The following GTF2H5 variants were observed in gnomAD, a reference collection of about 807,000 sequenced individuals.
The protein encoded by GTF2H5 is general transcription factor IIH subunit 5, also known as TFB5 ortholog.
Under a neutral mutation model 7.1 loss-of-function variants are expected in GTF2H5, and 5 were observed. The ratio of observed to expected loss-of-function variants is 0.71; its 90% CI spans 0.37 to 1.49. The LOEUF is 1.49. GTF2H5 is among the 40% of genes most tolerant of loss of function. The probability of loss-of-function intolerance (pLI) is 0.03; values close to 1 mark genes in which losing one functional copy is unlikely to be tolerated. For synonymous variants in GTF2H5, 30 were observed against 31.7 expected (o/e 0.95, Z 0.18); for missense variants, 80 against 83.0 (o/e 0.96, Z 0.14).
At chr6:158,169,623 ATATATTG>A (rs1277722557) in intron 1 of GTF2H5, among the ~76,000 whole-genome samples, 1 of 83,802 alleles carries the variant, frequency 1.2e-5, no homozygotes, top group Admixed American at 2.1e-4. Flanking sequence ...ATTACATATA[ATATATTG>A]TATATTACAT....
At chr6:158,174,434 A>G (rs1201952359) in intron 2 of GTF2H5, among the ~76,000 whole-genome samples, 1 of 152,248 alleles carries the variant, frequency 6.6e-6, no homozygotes, top group Non-Finnish European at 1.5e-5. Flanking sequence ...TTGAAAAATC[A>G]GGGCACTTGG....
chr6:158,181,310 A>T (rs915134735), intron 2 of GTF2H5, among the ~76,000 whole-genome samples: 6 of 152,194 alleles, frequency 3.9e-5, no homozygotes, highest in African/African-American at 1.4e-4. Flanking sequence ...CAATTTTAGA[A>T]TAAGTGTGAT....
Position 158,192,221 on chromosome 6 carries a change from A to G in GTF2H5, c.*64A>G, listed in dbSNP as rs1777040538. 1 of 1,244,132 alleles carries G rather than the reference A, an allele frequency of 8.0e-7. No individual in the cohort carries two copies. The highest frequency in any genetic ancestry group is 1.5e-5 in the African/African-American group (1 of 67,702). 77.1% of individuals were successfully genotyped at this position (1,244,132 alleles called of 1,614,324 possible). A position where few individuals can be genotyped will look rare whatever the true frequency, so the allele number is the denominator to read the frequency against. The stretch of plus-strand genomic sequence containing the variant: ...AACTGTGAAAGACTTGCCACTCAAT[A>G]TCTTAGGTGACTGATTAGACATAGA... On this transcript the variant is annotated 3_prime_UTR_variant, in exon 3 of 3. Transcript: ENST00000607778.
chr6:158,190,874 T>G (rs778250894), intron 2 of GTF2H5: 2 of 375,038 alleles, frequency 5.3e-6, no homozygotes, highest in Non-Finnish European at 1.0e-5. Context: ...ATCTAAAGAG[T>G]GTCCTTTGTC....
rs143621758 is a variant in GTF2H5, at chr6:158,174,784, A to G, written c.35+4246A>G. ...GCAAATTCCAACCAGTTTACATCAC[A>G]ATAGCAAAGAATCTGGAGAAATATG... is the stretch of plus-strand genomic sequence containing the variant. On this transcript the variant is annotated intron_variant, in intron 2 of 2. Coordinates refer to ENST00000607778, the MANE Select transcript of GTF2H5 (RefSeq NM_207118.3). Among the ~76,000 whole-genome samples, 375 of 152,326 alleles carry G rather than the reference A, an allele frequency of 2.5e-3. 1 individual carries two copies. Among genetic ancestry groups the G allele is most frequent in the African/African-American group, 8.6e-3 (359 of 41,570 alleles).
intron 2 of GTF2H5, among the ~76,000 whole-genome samples, chr6:158,185,215 T>C (rs1776897542): frequency 6.6e-6 from 1 of 151,898 alleles, no homozygotes; most frequent in South Asian, 2.1e-4. Context: ...TTCAGGTACA[T>C]GCTTGAAAAT....
chr6:158,173,032 C>T (rs1785878693), intron 2 of GTF2H5, among the ~76,000 whole-genome samples: 1 of 152,170 alleles, frequency 6.6e-6, no homozygotes, highest in Non-Finnish European at 1.5e-5. Context: ...ATAGCATCAT[C>T]TGGAGCTTGT....
Position 158,194,040 on chromosome 6 carries a change from A to C in GTF2H5, c.*1883A>C, listed in dbSNP as rs1777069799. ...TTCCAGCTATACCAAAATGTTACTA[A>C]TGTATCTTATATTTCAGGCATGTCT... On this transcript the variant is annotated 3_prime_UTR_variant, in exon 3 of 3. Transcript: ENST00000607778. 6.6e-6 allele frequency: 1 copy of C among 151,962 alleles called. No individual in the cohort carries two copies. The allele number at this position is 151,962 out of a possible 1,614,324, so 9.4% of individuals were successfully genotyped here.
At chr6:158,179,123 G>A (rs1169895071) in intron 2 of GTF2H5, among the ~76,000 whole-genome samples, 1 of 152,130 alleles carries the variant, frequency 6.6e-6, no homozygotes, top group Non-Finnish European at 1.5e-5. Context: ...CATTGCTTGT[G>A]TGTGTCAGGT....
chr6:158,169,495 T>TTATATAATATATTGTATATTA (rs1785747026), intron 1 of GTF2H5, among the ~76,000 whole-genome samples: 1 of 54,412 alleles, frequency 1.8e-5, no homozygotes. Context: ...ATATTGTATA[T>TTATATAATATATTGTATATTA]TATATAATAT....
chr6:158,173,515 G>A (rs1321570501), intron 2 of GTF2H5, among the ~76,000 whole-genome samples: 2 of 152,150 alleles, frequency 1.3e-5, no homozygotes, highest in Non-Finnish European at 2.9e-5. Flanking sequence ...ATGATTATCA[G>A]TATAAGTCTG....
intron 1 of GTF2H5, among the ~76,000 whole-genome samples, chr6:158,169,700 A>ATG (rs1195386589): frequency 1.2e-5 from 1 of 81,934 alleles, no homozygotes; most frequent in Non-Finnish European, 2.1e-5. Context: ...ATATTATATA[A>ATG]TATATTGTAT....
At chr6:158,182,808 C>T (rs566153400) in intron 2 of GTF2H5, among the ~76,000 whole-genome samples, 64 of 152,080 alleles carry the variant, frequency 4.2e-4, no homozygotes, top group African/African-American at 1.4e-3. Flanking sequence ...AGCTTCCTTG[C>T]GATGGGTAGA....
intron 2 of GTF2H5, among the ~76,000 whole-genome samples, chr6:158,185,143 G>A (rs1776891435): frequency 6.8e-6 from 1 of 147,108 alleles, no homozygotes; most frequent in Non-Finnish European, 1.5e-5. Flanking sequence ...TAAACTTTGA[G>A]TGTCTTTTTT....
At chr6:158,191,832 C>T (rs1280536437) in intron 2 of GTF2H5, 145 bp from the exon 3 acceptor site, 3 of 697,602 alleles carry the variant, frequency 4.3e-6, no homozygotes, top group Non-Finnish European at 7.6e-6. Context: ...ATTGTTAACA[C>T]TTGAGGCAGA....
intron 2 of GTF2H5, among the ~76,000 whole-genome samples, chr6:158,177,570 G>C (rs1785950224): frequency 6.6e-6 from 1 of 152,182 alleles, no homozygotes; most frequent in South Asian, 2.1e-4. Flanking sequence ...GTCAGCATCT[G>C]TGGTTGCAGT....
rs1562469388 is a variant in GTF2H5 at position 158,169,740 on chromosome 6, A to ATATATTATATAATATATTG, written c.-34-718_-34-700dup. On this transcript the variant is annotated intron_variant, in intron 1 of 2. Transcript: ENST00000607778. ...TATATTATATAATATATTGTATATT[A>ATATATTATATAATATATTG]TATATTATATAATATATTGTATATT... Among the ~76,000 whole-genome samples, 13 of 40,490 alleles carry ATATATTATATAATATATTG rather than the reference A, an allele frequency of 3.2e-4. 2 individuals carry two copies. Among genetic ancestry groups the ATATATTATATAATATATTG allele is most frequent in the African/African-American group, 4.7e-4 (3 of 6,330 alleles). The allele number at this position is 40,490 out of a possible 152,430, so 26.6% of individuals were successfully genotyped here. A position where few individuals can be genotyped will look rare whatever the true frequency, so the allele number is the denominator to read the frequency against.
intron 2 of GTF2H5, among the ~76,000 whole-genome samples, chr6:158,189,948 C>A (rs1323563439): frequency 1.3e-5 from 2 of 152,196 alleles, no homozygotes; most frequent in Admixed American, 1.3e-4. Context: ...TCCTGAGTAG[C>A]CTTTGTTCAC....
chr6:158,170,168 A>C (rs1192895291), intron 1 of GTF2H5, among the ~76,000 whole-genome samples: 1 of 152,064 alleles, frequency 6.6e-6, no homozygotes, highest in Non-Finnish European at 1.5e-5. Context: ...CCTTTGAATA[A>C]TGGACGGTTT....
Sources: allele counts gnomAD v4.1 joint callset (sites outside exome capture counted in the v4.1 genomes callset), GRCh38; gene constraint gnomAD v4.1.1; transcripts MANE v1.5; gene names NCBI Gene and HGNC (gene_info 2026-07-23, HGNC 2026-07-21).